The following TSNARE1 variants were observed in gnomAD, a reference collection of about 807,000 sequenced individuals.
The protein encoded by TSNARE1 is t-SNARE domain-containing protein 1.
Under a neutral mutation model 62.0 loss-of-function variants are expected in TSNARE1, and 49 were observed. The observed-to-expected ratio is 0.79, with a 90% CI of 0.63 to 1.00. TSNARE1 has a LOEUF of 1.00. Ranked by LOEUF, TSNARE1 falls within the 50% of genes least tolerant of loss-of-function variation. TSNARE1 has a pLI of 0.00. For synonymous variants in TSNARE1, 328 were observed against 294.4 expected (o/e 1.11, Z -1.17); for missense variants, 755 against 700.1 (o/e 1.08, Z -0.88).
intron 9 of TSNARE1, among the ~76,000 whole-genome samples, chr8:142,302,953 A>G (rs10102944): frequency 0.55 from 83,175 of 151,742 alleles, 24,107 homozygotes; most frequent in African/African-American, 0.74. Context: ...GTCAGCACTA[A>G]GCATGGAGGC....
chr8:142,377,550 G>A (rs890874513), intron 1 of TSNARE1, among the ~76,000 whole-genome samples: 2 of 152,162 alleles, frequency 1.3e-5, no homozygotes, highest in East Asian at 1.9e-4. Flanking sequence ...GCAGGCGAGC[G>A]CCCCAGCAGC....
At position 142,371,922 on chromosome 8, in the gene TSNARE1, G is replaced by A. The variant is rs997867316; in HGVS notation, c.-39-17159C>T. Among the ~76,000 whole-genome samples the A allele has an allele frequency of 2.0e-5, 3 of 152,102 alleles. No individual in the cohort carries two copies. The South Asian group carries it at 6.2e-4, about 32-fold the overall frequency. On this transcript the variant is annotated intron_variant, in intron 1 of 13. Transcript: ENST00000524325. Reference sequence around the variant, plus strand: ...TCTATGGGCTGCTTTTGTACCATGGGGCAGAGCTGGGTAGCTGCAACAGAC... The same window carrying A: ...TCTATGGGCTGCTTTTGTACCATGGAGCAGAGCTGGGTAGCTGCAACAGAC...
intron 10 of TSNARE1, among the ~76,000 whole-genome samples, chr8:142,289,844 G>A (rs578182006): frequency 7.2e-5 from 11 of 152,356 alleles, no homozygotes; most frequent in Non-Finnish European, 1.5e-4. Context: ...CATACCCTGC[G>A]GCTGCGAGAG....
At chr8:142,295,856 C>A (rs1215680785) in intron 10 of TSNARE1, among the ~76,000 whole-genome samples, 2 of 151,316 alleles carry the variant, frequency 1.3e-5, no homozygotes, top group Non-Finnish European at 2.9e-5. Flanking sequence ...TGCAGCATGG[C>A]TCTGCAGGAC....
chr8:142,275,118 G>A, intron 11 of TSNARE1: 1 of 985,418 alleles, frequency 1.0e-6, no homozygotes, highest in Non-Finnish European at 1.2e-6. Flanking sequence ...ACCAGGTGGG[G>A]CAGGAAGAGT....
chr8:142,282,100 G>T (rs967873757), intron 11 of TSNARE1, among the ~76,000 whole-genome samples: 1 of 152,220 alleles, frequency 6.6e-6, no homozygotes, highest in Non-Finnish European at 1.5e-5. Context: ...GAGGGCCCAC[G>T]GTGCTGGCTG....
rs553346022 is a variant in TSNARE1, at chr8:142,359,250, C to T, written c.-39-4487G>A. Among the ~76,000 whole-genome samples, 15 of 152,262 alleles carry T rather than the reference C, an allele frequency of 9.9e-5. No homozygotes were observed. In the South Asian group the frequency reaches 2.9e-3, roughly 29 times the overall value. The stretch of plus-strand genomic sequence containing the variant: ...ACCTCAGAGCCCGATGCTTACCACA[C>T]GTCAGGCCGAGCAACGCCATGCTCC... On this transcript the variant is annotated intron_variant, in intron 1 of 13. Transcript: ENST00000524325.
At chr8:142,326,600 C>A (rs1272248913) in intron 6 of TSNARE1, among the ~76,000 whole-genome samples, 1 of 135,198 alleles carries the variant, frequency 7.4e-6, no homozygotes, top group Non-Finnish European at 1.5e-5. Flanking sequence ...GAGGAACCAG[C>A]ACCAGCGAAG....
chr8:142,406,980 G>A (rs1214856579), upstream of TSNARE1: 2 of 152,248 alleles, frequency 1.3e-5, no homozygotes, highest in African/African-American at 2.4e-5. Context: ...TGTTTAACAT[G>A]GAGCAGGAGT....
chr8:142,254,758 T>A (rs1818341231), intron 12 of TSNARE1, among the ~76,000 whole-genome samples: 1 of 152,154 alleles, frequency 6.6e-6, no homozygotes, highest in African/African-American at 2.4e-5. Flanking sequence ...CCAGTTTCAG[T>A]CTCACATCCA....
intron 13 of TSNARE1, among the ~76,000 whole-genome samples, chr8:142,220,055 C>T (rs1256114439): frequency 1.3e-5 from 2 of 152,222 alleles, no homozygotes; most frequent in African/African-American, 2.4e-5. Context: ...AAGAAACCGC[C>T]GCTGTGTCCC....
At chr8:142,299,516 C>A (rs951616571) in intron 10 of TSNARE1, among the ~76,000 whole-genome samples, 1 of 152,242 alleles carries the variant, frequency 6.6e-6, no homozygotes, top group Admixed American at 6.5e-5. Context: ...CGGATCCCAC[C>A]GCCAACAGAG....
chr8:142,327,748 G>A (rs1475101734), intron 6 of TSNARE1, among the ~76,000 whole-genome samples: 1 of 152,200 alleles, frequency 6.6e-6, no homozygotes, highest in Admixed American at 6.5e-5. Context: ...CCAAGCGAGG[G>A]CCCACGGTGC....
chr8:142,326,903 G>A (rs1390584302), intron 6 of TSNARE1, among the ~76,000 whole-genome samples: 2 of 152,202 alleles, frequency 1.3e-5, no homozygotes, highest in Non-Finnish European at 2.9e-5. Flanking sequence ...AAATACAAAT[G>A]AGATCACCAC....
intron 6 of TSNARE1, among the ~76,000 whole-genome samples, chr8:142,330,599 C>G (rs949682906): frequency 1.3e-5 from 2 of 152,368 alleles, no homozygotes; most frequent in Non-Finnish European, 2.9e-5. Flanking sequence ...AAAGCGTGTG[C>G]CAGCAGGCAT....
chr8:142,406,525 C>G (rs553850935), upstream of TSNARE1: 5 of 152,382 alleles, frequency 3.3e-5, no homozygotes, highest in Admixed American at 3.3e-4. Flanking sequence ...TCTCAGGTGC[C>G]TGTTTTCCAC....
At chr8:142,341,675 C>A (rs1004795311) in intron 4 of TSNARE1, among the ~76,000 whole-genome samples, 2 of 152,210 alleles carry the variant, frequency 1.3e-5, no homozygotes, top group African/African-American at 4.8e-5. Flanking sequence ...AGCGAGGTCA[C>A]CCCCGTCAGT....
chr8:142,329,390 C>A (rs890769139), intron 6 of TSNARE1, among the ~76,000 whole-genome samples: 3 of 152,238 alleles, frequency 2.0e-5, no homozygotes, highest in African/African-American at 7.2e-5. Context: ...CGGTCTTCAG[C>A]TAACCAGGCC....
chr8:142,287,075 G>C (rs959368613), intron 10 of TSNARE1, among the ~76,000 whole-genome samples: 1 of 152,224 alleles, frequency 6.6e-6, no homozygotes, highest in East Asian at 1.9e-4. Context: ...TCCAACCCAG[G>C]TCACTACCAC....
Sources: gnomAD v4.1 joint callset for allele counts (sites outside exome capture counted in the v4.1 genomes callset) on GRCh38, gnomAD v4.1.1 for gene constraint, MANE v1.5 for transcripts, NCBI Gene and HGNC (gene_info 2026-07-23, HGNC 2026-07-21) for gene names.